GRID1: variants seen among roughly 807,000 people sequenced by gnomAD.
GRID1 encodes glutamate ionotropic receptor delta type subunit 1.
In GRID1, 28 loss-of-function variants were observed where a neutral mutation model predicts 98.0. The ratio of observed to expected loss-of-function variants is 0.29; its 90% CI spans 0.21 to 0.39. The LOEUF (loss-of-function observed/expected upper bound fraction) is 0.39. Among genes scored for constraint, GRID1 ranks in the 10% least tolerant of loss-of-function variants. GRID1 has a pLI of 1.00. For synonymous variants in GRID1, 553 were observed against 538.5 expected, an observed-to-expected ratio of 1.03 and a Z score of -0.37; for missense variants, 1,111 against 1,340.5, an observed-to-expected ratio of 0.83 and a Z score of 2.67.
chr10:85,931,191 C>T (rs887613494), intron 4 of GRID1, among the ~76,000 whole-genome samples: 1 of 151,904 alleles, frequency 6.6e-6, no homozygotes, highest in African/African-American at 2.4e-5. Flanking sequence ...ACCTACTCTC[C>T]CTCCTCCCCT....
intron 8 of GRID1, among the ~76,000 whole-genome samples, chr10:85,773,222 C>A (rs1304858836): frequency 6.6e-6 from 1 of 152,036 alleles, no homozygotes; most frequent in African/African-American, 2.4e-5. Context: ...AAGACAAAAA[C>A]CACATGATTA....
At chr10:86,116,472 G>A (rs1399042054) in intron 4 of GRID1, among the ~76,000 whole-genome samples, 3 of 152,088 alleles carry the variant, frequency 2.0e-5, no homozygotes. Context: ...CCAAACAGCT[G>A]GAAGGATCAG....
At chr10:85,640,819 G>A (rs1417968507) in intron 13 of GRID1, among the ~76,000 whole-genome samples, 1 of 152,210 alleles carries the variant, frequency 6.6e-6, no homozygotes, top group African/African-American at 2.4e-5. Flanking sequence ...GCAAGAGCAA[G>A]CATTAGACCA....
intron 12 of GRID1, among the ~76,000 whole-genome samples, chr10:85,722,519 T>G (rs962582968): frequency 6.6e-6 from 1 of 152,212 alleles, no homozygotes; most frequent in Non-Finnish European, 1.5e-5. Flanking sequence ...AAGACACATT[T>G]TTAGTCTTGG....
chr10:86,090,920 G>A (rs11816483), intron 4 of GRID1, among the ~76,000 whole-genome samples: 2 of 152,070 alleles, frequency 1.3e-5, no homozygotes, highest in Non-Finnish European at 2.9e-5. Context: ...CCTTTACCTG[G>A]AGCTGAATCA....
At chr10:85,921,988 G>A (rs781571617) in intron 4 of GRID1, among the ~76,000 whole-genome samples, 33 of 152,148 alleles carry the variant, frequency 2.2e-4, no homozygotes, top group Non-Finnish European at 4.0e-4. Flanking sequence ...TTCACAGATG[G>A]GGAACTGATA....
At chr10:86,364,970 C>A (rs913760413) in intron 1 of GRID1, among the ~76,000 whole-genome samples, 5 of 152,212 alleles carry the variant, frequency 3.3e-5, no homozygotes, top group African/African-American at 1.2e-4. Context: ...CCTAGTCCTG[C>A]AACCTGGACA....
chr10:86,198,696 G>A (rs1845909267), intron 3 of GRID1, among the ~76,000 whole-genome samples: 1 of 152,184 alleles, frequency 6.6e-6, no homozygotes, highest in African/African-American at 2.4e-5. Flanking sequence ...GATTCAACAA[G>A]AAGACTGCTC....
intron 15 of GRID1, among the ~76,000 whole-genome samples, chr10:85,610,524 C>T (rs942522673): frequency 6.6e-6 from 1 of 152,240 alleles, no homozygotes; most frequent in African/African-American, 2.4e-5. Context: ...TGCTTCAAAG[C>T]TCAGTTCTAA....
At chr10:86,110,227 G>T (rs759232320) in intron 4 of GRID1, among the ~76,000 whole-genome samples, 5 of 152,090 alleles carry the variant, frequency 3.3e-5, no homozygotes, top group Non-Finnish European at 5.9e-5. Context: ...ACCTGCCTCG[G>T]CCTCCCAAAG....
At chr10:86,141,893 C>A (rs1203651925) in intron 3 of GRID1, among the ~76,000 whole-genome samples, 2 of 152,220 alleles carry the variant, frequency 1.3e-5, no homozygotes, top group African/African-American at 4.8e-5. Context: ...CCTTCAGGCC[C>A]CTGGCAAAGG....
intron 4 of GRID1, among the ~76,000 whole-genome samples, chr10:85,939,107 G>T (rs909967317): frequency 1.3e-5 from 2 of 152,130 alleles, no homozygotes; most frequent in South Asian, 4.1e-4. Flanking sequence ...GCCGCCTGGT[G>T]CCTGGTCTGT....
chr10:86,223,843 A>G (rs1274112369), intron 2 of GRID1, among the ~76,000 whole-genome samples: 1 of 152,186 alleles, frequency 6.6e-6, no homozygotes, highest in Non-Finnish European at 1.5e-5. Context: ...TAGACCAAGG[A>G]CCAGCAGATG....
chr10:85,615,581 G>T (rs1842778969), intron 14 of GRID1, among the ~76,000 whole-genome samples: 2 of 152,202 alleles, frequency 1.3e-5, no homozygotes, highest in African/African-American at 4.8e-5. Context: ...ACAGAATGTG[G>T]CTGTGCATTC....
intron 4 of GRID1, among the ~76,000 whole-genome samples, chr10:85,930,148 G>A (rs969045438): frequency 2.7e-5 from 4 of 148,058 alleles, no homozygotes; most frequent in South Asian, 4.2e-4. Flanking sequence ...AATAACTTGC[G>A]GTTATTTATA....
At position 85,724,596 on chromosome 10, in the gene GRID1, G is replaced by A. The variant is rs1441235817; in HGVS notation, c.1614C>T (p.Asp538=). ...TCTTAATTAGAATCCCCACTGAATA[G>A]TCCATGTACCGCTTGCTGAAGTCCA... ...SVVDFSKRYM[D]YSVGILIKKP... Residue 538 remains aspartate, a synonymous_variant, in exon 11 of 16, where the codon GAC becomes GAT. Coordinates refer to ENST00000327946, the MANE Select transcript of GRID1 (RefSeq NM_017551.3). The A allele has an allele frequency of 1.2e-6, 2 of 1,613,398 alleles. No homozygotes were observed. Among genetic ancestry groups the A allele is most frequent in the African/African-American group, 2.7e-5 (2 of 75,048 alleles).
intron 8 of GRID1, among the ~76,000 whole-genome samples, chr10:85,737,933 G>T (rs1841903043): frequency 6.6e-6 from 1 of 151,654 alleles, no homozygotes; most frequent in Non-Finnish European, 1.5e-5. Flanking sequence ...AAAAGCAGGT[G>T]GTAGTTATTA....
intron 4 of GRID1, among the ~76,000 whole-genome samples, chr10:86,092,789 T>C (rs924926582): frequency 2.0e-5 from 3 of 152,160 alleles, no homozygotes; most frequent in Admixed American, 6.5e-5. Flanking sequence ...ATAATAGTGG[T>C]GGACTTCAAT....
Position 85,678,975 on chromosome 10 carries a change from T to C in GRID1, c.1998-31578A>G, listed in dbSNP as rs553049904. On this transcript the variant is annotated intron_variant, in intron 12 of 15. Coordinates refer to ENST00000327946, the MANE Select transcript of GRID1 (RefSeq NM_017551.3). ...GCTGCTTAACATGCATTATTATAGGTAATCTACACCTGACATAAAACAGAC... is the reference window on the plus strand; with the variant it reads ...GCTGCTTAACATGCATTATTATAGGCAATCTACACCTGACATAAAACAGAC... Among the ~76,000 whole-genome samples the C allele has an allele frequency of 2.0e-5, 3 of 151,620 alleles. No individual in the cohort carries two copies. The South Asian group carries it at 6.3e-4, about 32-fold the overall frequency.
Sources: allele counts gnomAD v4.1 joint callset (sites outside exome capture counted in the v4.1 genomes callset), GRCh38; gene constraint gnomAD v4.1.1; transcripts MANE v1.5; gene names NCBI Gene and HGNC (gene_info 2026-07-23, HGNC 2026-07-21).